Variants in RGS3 observed in about 807,000 individuals in gnomAD.
RGS3 encodes regulator of G protein signaling 3.
Under a neutral mutation model 132.6 loss-of-function variants are expected in RGS3, and 80 were observed. The observed-to-expected ratio is 0.60, with a 90% CI of 0.50 to 0.73. The LOEUF is 0.73. Ranked by LOEUF, RGS3 falls within the 30% of genes least tolerant of loss-of-function variation. The pLI is 0.00. For missense variants in RGS3, 1,382 were observed against 1,530.8 expected, an observed-to-expected ratio of 0.90 and a Z score of 1.62; for synonymous variants, 598 against 620.6, an observed-to-expected ratio of 0.96 and a Z score of 0.54.
chr9:113,512,147 T>C (rs1234345057), intron 14 of RGS3, among the ~76,000 whole-genome samples: 1 of 152,168 alleles, frequency 6.6e-6, no homozygotes, highest in Admixed American at 6.5e-5. Context: ...AAGGAAGCTG[T>C]TCAGGGTTAC....
chr9:113,574,994 GA>G (rs950365687), intron 19 of RGS3, among the ~76,000 whole-genome samples: 1 of 152,188 alleles, frequency 6.6e-6, no homozygotes, highest in Non-Finnish European at 1.5e-5. Flanking sequence ...GGTGGGTGGG[GA>G]CAAAGACTAC....
chr9:113,496,802 C>T (rs553966655), intron 8 of RGS3, among the ~76,000 whole-genome samples: 5 of 152,232 alleles, frequency 3.3e-5, no homozygotes, highest in East Asian at 3.9e-4. Context: ...CCACCCGTCT[C>T]GGCCTCCCAA....
chr9:113,526,497 C>T (rs1457250905), intron 17 of RGS3, among the ~76,000 whole-genome samples: 6 of 152,154 alleles, frequency 3.9e-5, no homozygotes, highest in East Asian at 1.9e-4. Flanking sequence ...CTTCAAAGCT[C>T]GGCTTTGCCA....
exon 20 of RGS3, chr9:113,584,424 G>A: frequency 1.3e-6 from 2 of 1,508,942 alleles, no homozygotes; most frequent in Non-Finnish European, 1.8e-6. Flanking sequence ...CAGGACACAG[G>A]AAGGTGAGAA....
At chr9:113,593,219 C>T (rs1274335307) in intron 21 of RGS3, among the ~76,000 whole-genome samples, 1 of 152,208 alleles carries the variant, frequency 6.6e-6, no homozygotes, top group Non-Finnish European at 1.5e-5. Context: ...CTGCAGGACT[C>T]TCCTTCATTA....
intron 19 of RGS3, among the ~76,000 whole-genome samples, chr9:113,552,941 T>C (rs527540985): frequency 6.6e-6 from 1 of 152,172 alleles, no homozygotes; most frequent in Non-Finnish European, 1.5e-5. Context: ...GTAATATACA[T>C]GCACAAAACT....
chr9:113,553,459 A>AAAAATATAT (rs1426114805), intron 19 of RGS3, among the ~76,000 whole-genome samples: 1 of 58,692 alleles, frequency 1.7e-5, no homozygotes, highest in Non-Finnish European at 3.0e-5. Context: ...AAAAAAAAAA[A>AAAAATATAT]ATATATATAT....
intron 16 of RGS3, chr9:113,522,675 T>A (rs1490498972): frequency 2.0e-6 from 1 of 495,066 alleles, no homozygotes; most frequent in Non-Finnish European, 3.7e-6. Flanking sequence ...GGGCCACTTT[T>A]CCCCTTCTGT....
intron 3 of RGS3, among the ~76,000 whole-genome samples, chr9:113,470,942 G>A (rs149712138): frequency 2.6e-5 from 4 of 152,292 alleles, no homozygotes; most frequent in East Asian, 3.9e-4. Context: ...CCTAGCCTGG[G>A]TGTCAGAGTG....
chr9:113,509,750 G>C (rs72761978), intron 14 of RGS3, among the ~76,000 whole-genome samples: 21,775 of 152,060 alleles, frequency 0.14, 1,701 homozygotes, highest in African/African-American at 0.2. Flanking sequence ...ATGCTTCTAG[G>C]GGGTAGTTGG....
In RGS3 at chr9:113,591,213, G is replaced by C; in HGVS notation, c.3016-120G>C. ...TCCCTCCCTCACCTGTGTGCCGCGG[G>C]TGGGGGCTTTGGGGATGGAAGGGGC... On this transcript the variant is annotated intron_variant, in intron 20 of 24. Transcript: ENST00000350696. The surrounding 1 kb of genome is among the most constrained non-coding windows in gnomAD (Gnocchi z 4.4). 2.4e-6 allele frequency: 2 copies of C among 840,976 alleles called. No homozygotes were observed. Among genetic ancestry groups the C allele is most frequent in the Non-Finnish European group, 3.9e-6 (2 of 515,974 alleles). The allele number at this position is 840,976 out of a possible 1,614,324, so 52.1% of individuals were successfully genotyped here. A position where few individuals can be genotyped will look rare whatever the true frequency, so the allele number is the denominator to read the frequency against.
chr9:113,507,254 C>T lies in RGS3; in HGVS notation c.1086-33C>T, dbSNP rs778352515. ...CTGGCTGATACTGGCTTTCCCCAGG[C>T]TCAACCTGTCTGTGTGATCCCCCAC... On this transcript the variant is annotated intron_variant, in intron 12 of 24. Transcript: ENST00000350696. The surrounding 1 kb of genome is among the most constrained non-coding windows in gnomAD (Gnocchi z 5.0). 14 of 1,555,672 alleles carry T rather than the reference C, an allele frequency of 9.0e-6. No individual in the cohort carries two copies. In the South Asian group the frequency reaches 1.6e-4, roughly 18 times the overall value.
chr9:113,449,801 G>GCCGT (rs1829197906), intron 1 of RGS3, among the ~76,000 whole-genome samples: 1 of 151,870 alleles, frequency 6.6e-6, no homozygotes, highest in African/African-American at 2.4e-5. Flanking sequence ...GGAGTGCAGT[G>GCCGT]GCTCAGTCTT....
At chr9:113,548,024 A>AAT (rs542108811) in intron 19 of RGS3, among the ~76,000 whole-genome samples, 3 of 152,326 alleles carry the variant, frequency 2.0e-5, no homozygotes, top group African/African-American at 7.2e-5. Flanking sequence ...GCCTGTAATC[A>AAT]ATACTTAGGT....
In RGS3 at chr9:113,565,523, G is replaced by A. The variant is rs901787804; in HGVS notation, c.2038-17927G>A. On this transcript the variant is annotated intron_variant, in intron 19 of 24. Coordinates refer to ENST00000350696, the Ensembl canonical transcript of RGS3. This position sits in a 1 kb window ranked among gnomAD's most constrained non-coding sequence, Gnocchi z 5.7. ...GGTTCTGCTTTTCCTAGCAGGTATC[G>A]CTCCCCTGGGGAACTTGGGTAAGTC... is the stretch of plus-strand genomic sequence containing the variant. The A allele has an allele frequency of 4.0e-6, 2 of 499,712 alleles. No individual in the cohort carries two copies. Among genetic ancestry groups the A allele is most frequent in the South Asian group, 1.9e-5 (1 of 53,170 alleles). The allele number at this position is 499,712 out of a possible 1,614,324, so 31.0% of individuals were successfully genotyped here. A position where few individuals can be genotyped will look rare whatever the true frequency, so the allele number is the denominator to read the frequency against.
intron 1 of RGS3, among the ~76,000 whole-genome samples, chr9:113,445,549 T>G (rs1302289230): frequency 6.6e-6 from 1 of 152,188 alleles, no homozygotes; most frequent in Non-Finnish European, 1.5e-5. Flanking sequence ...TGGCCCAGTT[T>G]GACACCTGTG....
At chr9:113,581,930 C>G in intron 19 of RGS3, 8 of 683,172 alleles carry the variant, frequency 1.2e-5, no homozygotes, top group Non-Finnish European at 1.4e-5. Context: ...TTGGCCAGAT[C>G]ACGCTAGAGT....
chr9:113,489,732 G>A (rs1322583810), intron 7 of RGS3, among the ~76,000 whole-genome samples: 3 of 145,868 alleles, frequency 2.1e-5, no homozygotes, highest in Non-Finnish European at 4.5e-5. Flanking sequence ...GCCTTGCTAT[G>A]TTGCCCAGGC....
chr9:113,543,324 G>C (rs1832978525), intron 19 of RGS3, among the ~76,000 whole-genome samples: 1 of 152,218 alleles, frequency 6.6e-6, no homozygotes, highest in African/African-American at 2.4e-5. Flanking sequence ...TGGCCTAGAA[G>C]AGAATACACC....
Sources: gnomAD v4.1 joint callset for allele counts (sites outside exome capture counted in the v4.1 genomes callset) on GRCh38, gnomAD v4.1.1 for gene constraint, Gnocchi (gnomAD v3.1) non-coding constraint, MANE v1.5 for transcripts, NCBI Gene and HGNC (gene_info 2026-07-23, HGNC 2026-07-21) for gene names.